PDZD2: variants seen among roughly 807,000 people sequenced by gnomAD.
The protein encoded by PDZD2 is PDZ domain-containing protein 2.
A neutral mutation model predicts 220.7 loss-of-function variants in PDZD2; 90 were observed. The observed-to-expected ratio is 0.41, with a 90% CI of 0.34 to 0.49. The LOEUF (loss-of-function observed/expected upper bound fraction) is 0.49, where lower values mean the gene tolerates loss of function less well. Ranked by LOEUF, PDZD2 falls within the 20% of genes least tolerant of loss-of-function variation. The pLI, the probability that PDZD2 is intolerant of heterozygous loss-of-function variation, is 0.28. For synonymous variants in PDZD2, 1,375 were observed against 1,450.5 expected (o/e 0.95, Z 1.18); for missense variants, 3,174 against 3,608.5 (o/e 0.88, Z 3.08).
chr5:32,019,293 C>T (rs1754010947), intron 6 of PDZD2, among the ~76,000 whole-genome samples: 1 of 152,098 alleles, frequency 6.6e-6, no homozygotes. Context: ...AGTTGCATGC[C>T]ACCATGCCCA....
At chr5:32,095,904 CTTTT>C (rs78609791) in intron 21 of PDZD2, among the ~76,000 whole-genome samples, 2 of 121,322 alleles carry the variant, frequency 1.6e-5, no homozygotes, top group African/African-American at 3.1e-5. Flanking sequence ...CCATGCCCGG[CTTTT>C]TTTTTTTTTT....
rs368769625 is a variant in PDZD2 at position 32,090,450 on chromosome 5, T to G, written c.7002T>G (p.Ser2334=). ...NWPHESTSFF[S]VKQRIKSFEN... ...CCCATGAATCTACCTCATTTTTCTC[T>G]GTGAAGCAGCGGATCAAGTCTTTTG... The change falls in exon 20 of 25, where the codon TCT becomes TCG. Residue 2334 remains serine (S), a synonymous_variant. Transcript: ENST00000438447. The surrounding 1 kb of genome is among the most constrained non-coding windows in gnomAD (Gnocchi z 4.3). The G allele has an allele frequency of 6.2e-7, 1 of 1,614,092 alleles. No homozygotes were observed. The highest frequency in any genetic ancestry group is 1.7e-5 in the Admixed American group (1 of 60,030).
intron 23 of PDZD2, chr5:32,099,707 A>G (rs2111667738): frequency 6.6e-6 from 1 of 152,350 alleles, no homozygotes; most frequent in African/African-American, 2.4e-5. Flanking sequence ...CACAGCTGCC[A>G]GTTTTTAAGC....
Position 32,010,438 on chromosome 5 carries a change from G to T in PDZD2, c.1363G>T (p.Asp455Tyr). ...SWTDNEDQEA[D>Y]GEEDEGTSSS... ...GACTGATAACGAAGACCAGGAGGCA[G>T]ACGGGGAAGAGGACGAAGGAACCAG... Residue 455 changes from aspartate to tyrosine, a missense_variant, in exon 6 of 25, where the codon GAC (aspartate) becomes TAC (tyrosine). Transcript: ENST00000438447. 1 of 1,613,058 alleles carries T rather than the reference G, an allele frequency of 6.2e-7. No individual in the cohort carries two copies. The highest frequency in any genetic ancestry group is 8.5e-7 in the Non-Finnish European group (1 of 1,179,008).
rs1317508235 is a variant in PDZD2 at position 31,646,898 on chromosome 5, G to GAGAGA, written c.-361+7461_-361+7462insAGAGA. On this transcript the variant is annotated intron_variant, in intron 1 of 24. Coordinates refer to ENST00000438447, the MANE Select transcript of PDZD2 (RefSeq NM_178140.4). The surrounding 1 kb of genome is among the most constrained non-coding windows in gnomAD (Gnocchi z 4.7). ...GTGCTCCGAGTGTCCCCATCAGCGT[G>GAGAGA]GATTCCCAAGAGAGAGCAGGCAGTG... Among the ~76,000 whole-genome samples, 126 of 152,272 alleles carry GAGAGA rather than the reference G, an allele frequency of 8.3e-4. No homozygotes were observed. The highest frequency in any genetic ancestry group is 2.9e-3 in the African/African-American group (120 of 41,544).
intron 2 of PDZD2, among the ~76,000 whole-genome samples, chr5:31,959,753 G>A (rs1428198535): frequency 1.3e-5 from 2 of 152,168 alleles, no homozygotes; most frequent in Non-Finnish European, 1.5e-5. Flanking sequence ...CCACAAATTG[G>A]ATGGCTTAAA....
chr5:31,751,426 A>G lies in PDZD2; in HGVS notation c.-360-47463A>G, dbSNP rs953441908. On this transcript the variant is annotated intron_variant, in intron 1 of 24. Coordinates refer to ENST00000438447, the MANE Select transcript of PDZD2 (RefSeq NM_178140.4). ...TGCTATGATGACAGCAATGAAGCCAATGAAAAGACTTTGGACCCACGATGC... is the reference window on the plus strand; with the variant it reads ...TGCTATGATGACAGCAATGAAGCCAGTGAAAAGACTTTGGACCCACGATGC... Among the ~76,000 whole-genome samples, 99 of 152,256 alleles carry G rather than the reference A, an allele frequency of 6.5e-4. No individual in the cohort carries two copies. The Middle Eastern group carries it at 0.01, about 16-fold the overall frequency.
chr5:31,942,200 A>G (rs956670331), intron 2 of PDZD2, among the ~76,000 whole-genome samples: 10 of 152,164 alleles, frequency 6.6e-5, no homozygotes, highest in African/African-American at 2.2e-4. Flanking sequence ...TTTCTTTTTT[A>G]TGGCCGTATC....
chr5:31,782,502 C>T (rs1276637487), intron 1 of PDZD2, among the ~76,000 whole-genome samples: 1 of 151,980 alleles, frequency 6.6e-6, no homozygotes, highest in Non-Finnish European at 1.5e-5. Flanking sequence ...GGAGTTGGCA[C>T]CTCTTGTTCT....
Position 32,021,697 on chromosome 5 carries a change from G to T in PDZD2, c.1407+11215G>T, listed in dbSNP as rs144089639. On this transcript the variant is annotated intron_variant, in intron 6 of 24. Coordinates refer to ENST00000438447, the MANE Select transcript of PDZD2 (RefSeq NM_178140.4). ...TCTCACATTTTAGCACTTAAAATCA[G>T]AACGTCAGCTCCCGGTTTGTTAATG... Among the ~76,000 whole-genome samples the T allele has an allele frequency of 2.7e-3, 404 of 152,286 alleles. 1 individual carries two copies. Among genetic ancestry groups the T allele is most frequent in the Non-Finnish European group, 4.8e-3 (328 of 68,026 alleles).
chr5:31,675,299 C>T (rs372977511), intron 1 of PDZD2, among the ~76,000 whole-genome samples: 21 of 152,154 alleles, frequency 1.4e-4, no homozygotes, highest in African/African-American at 4.6e-4. Flanking sequence ...TCCCCGCTCC[C>T]ACCCATTTTC....
intron 2 of PDZD2, among the ~76,000 whole-genome samples, chr5:31,808,934 A>G (rs1236250782): frequency 1.3e-5 from 2 of 151,662 alleles, no homozygotes; most frequent in Non-Finnish European, 2.9e-5. Context: ...AGCCGAGATC[A>G]CACCACTGCA....
At chr5:31,945,707 C>T (rs1746575729) in intron 2 of PDZD2, among the ~76,000 whole-genome samples, 1 of 152,020 alleles carries the variant, frequency 6.6e-6, no homozygotes, top group Admixed American at 6.6e-5. Flanking sequence ...CAGACTCTAC[C>T]TGCCTGAGAC....
chr5:31,860,391 T>G (rs34372226), intron 2 of PDZD2, among the ~76,000 whole-genome samples: 16,789 of 152,230 alleles, frequency 0.11, 1,163 homozygotes, highest in East Asian at 0.27. Flanking sequence ...TTTCACTTTC[T>G]CCCACCTGCT....
At chr5:31,795,688 G>T (rs1580771945) in intron 1 of PDZD2, among the ~76,000 whole-genome samples, 1 of 152,182 alleles carries the variant, frequency 6.6e-6, no homozygotes, top group East Asian at 1.9e-4. Flanking sequence ...ATTGGATCTT[G>T]TGGAACAACC....
chr5:31,765,617 T>G (rs1204254942), intron 1 of PDZD2, among the ~76,000 whole-genome samples: 1 of 152,164 alleles, frequency 6.6e-6, no homozygotes, highest in Non-Finnish European at 1.5e-5. Context: ...AAGCAATTAG[T>G]TGTCCCCAAA....
chr5:32,038,122 G>A (rs1402946961), intron 7 of PDZD2, among the ~76,000 whole-genome samples: 1 of 147,598 alleles, frequency 6.8e-6, no homozygotes, highest in Non-Finnish European at 1.5e-5. Context: ...GATTATAGGC[G>A]TGAGCCACCG....
intron 1 of PDZD2, among the ~76,000 whole-genome samples, chr5:31,746,472 A>G (rs1244748999): frequency 6.6e-6 from 1 of 152,218 alleles, no homozygotes; most frequent in East Asian, 1.9e-4. Context: ...CATTCTTGGT[A>G]TACACAAGGG....
Position 31,880,791 on chromosome 5 carries a change from C to CTTTTTCCTT in PDZD2, c.476+81072_476+81073insCCTTTTTTT, listed in dbSNP as rs1739798959. Among the ~76,000 whole-genome samples the CTTTTTCCTT allele has an allele frequency of 1.4e-4, 11 of 76,470 alleles. 1 individual carries two copies. The highest frequency in any genetic ancestry group is 5.8e-4 in the African/African-American group (9 of 15,490). 50.2% of individuals were successfully genotyped at this position (76,470 alleles called of 152,430 possible). Reference sequence around the variant, plus strand: ...AGAAAGGTAGCTTTCTTTTTTTTTTCTTTTTTTTTTTTTTTTTTTTTTTTT... The same window carrying CTTTTTCCTT: ...AGAAAGGTAGCTTTCTTTTTTTTTTCTTTTTCCTTTTTTTTTTTTTTTTTTTTTTTTTTT... On this transcript the variant is annotated intron_variant, in intron 2 of 24. Coordinates refer to ENST00000438447, the MANE Select transcript of PDZD2 (RefSeq NM_178140.4).
Sources: gnomAD v4.1 joint callset for allele counts (sites outside exome capture counted in the v4.1 genomes callset) on GRCh38, gnomAD v4.1.1 for gene constraint, Gnocchi (gnomAD v3.1) non-coding constraint, MANE v1.5 for transcripts, NCBI Gene and HGNC (gene_info 2026-07-23, HGNC 2026-07-21) for gene names.